The following CFAP52 variants were observed in gnomAD, a reference collection of about 807,000 sequenced individuals.
CFAP52 encodes the protein cilia and flagella associated protein 52.
In CFAP52, 57 loss-of-function variants were observed where a neutral mutation model predicts 70.5. The observed-to-expected ratio is 0.81, with a 90% CI of 0.65 to 1.01. The LOEUF is 1.01. Ranked by LOEUF, CFAP52 falls within the 50% of genes least tolerant of loss-of-function variation. CFAP52 has a pLI of 0.00. For missense variants in CFAP52, 785 were observed against 788.5 expected, an observed-to-expected ratio of 1.00 and a Z score of 0.05; for synonymous variants, 267 against 292.5, an observed-to-expected ratio of 0.91 and a Z score of 0.89.
In CFAP52 at chr17:9,594,267, C is replaced by A. The variant is rs147354190; in HGVS notation, c.482C>A (p.Ala161Asp). The A allele has an allele frequency of 1.6e-5, 26 of 1,613,680 alleles. No homozygotes were observed. The highest frequency in any genetic ancestry group is 2.2e-5 in the Non-Finnish European group (26 of 1,179,922). Residue 161 changes from alanine (A) to aspartate (D), a missense_variant, in exon 4 of 14, where the codon GCC becomes GAC. Physicochemically the swap from Ala to Asp is moderately radical, Grantham distance 126 (BLOSUM62 -2). Coordinates refer to ENST00000352665, the MANE Select transcript of CFAP52 (RefSeq NM_145054.5). ...GCAGCCGGCCTCAATGTTGGCAATG[C>A]CACCAATGTGATCTTCTCCAGGTGC... ...SPAAGLNVGN[A>D]TNVIFSRCRD...
chr17:9,636,562 A>G (rs534324658), intron 11 of CFAP52, among the ~76,000 whole-genome samples: 9 of 152,084 alleles, frequency 5.9e-5, no homozygotes, highest in Non-Finnish European at 1.3e-4. Flanking sequence ...TTAGAATCGG[A>G]TGCCATTCCT....
chr17:9,639,355 T>C (rs111293659), intron 12 of CFAP52, among the ~76,000 whole-genome samples: 1,964 of 151,520 alleles, frequency 0.013, 48 homozygotes, highest in African/African-American at 0.045. Flanking sequence ...TGCTTGAACC[T>C]GGGAAGTGGA....
chr17:9,584,378 A>C, intron 1 of CFAP52: 1 of 1,275,052 alleles, frequency 7.8e-7, no homozygotes, highest in Non-Finnish European at 1.0e-6. Flanking sequence ...CCTGGTGGGC[A>C]CTCAGAACTG....
chr17:9,593,541 C>G (rs1908859778), intron 3 of CFAP52, among the ~76,000 whole-genome samples: 1 of 152,116 alleles, frequency 6.6e-6, no homozygotes, highest in Admixed American at 6.5e-5. Context: ...CTGCGACCTC[C>G]ACCTCCCGGA....
chr17:9,598,091 C>T lies in CFAP52; in HGVS notation c.537-143C>T, dbSNP rs115421145. On this transcript the variant is annotated intron_variant, in intron 4 of 13. Transcript: ENST00000352665. ...TGCCTCGTGGTGGTGTTATGAGGAT[C>T]GAATAAAAGATCTTTCATAGTGCAC... 4.0e-4 allele frequency: 244 copies of T among 615,482 alleles called. 1 individual carries two copies. Among genetic ancestry groups the T allele is most frequent in the African/African-American group, 3.2e-3 (172 of 54,000 alleles). 38.1% of individuals were successfully genotyped at this position (615,482 alleles called of 1,614,324 possible).
intron 7 of CFAP52, chr17:9,610,165 T>C (rs1026317099): frequency 2.0e-5 from 3 of 152,140 alleles, no homozygotes; most frequent in South Asian, 2.1e-4. Context: ...AACATCCAAG[T>C]ATTGTCGATA....
rs150886022 is a variant in CFAP52 at position 9,596,856 on chromosome 17, C to G, written c.537-1378C>G. Among the ~76,000 whole-genome samples the G allele has an allele frequency of 6.4e-4, 98 of 152,196 alleles. 1 individual carries two copies. The highest frequency in any genetic ancestry group is 2.0e-3 in the African/African-American group (82 of 41,544). On this transcript the variant is annotated intron_variant, in intron 4 of 13. Transcript: ENST00000352665. ...TCAGCCTCCCGACTAGCTGGGATTA[C>G]AGGTGCCCACCACCACGCCTGGCTA...
intron 3 of CFAP52, among the ~76,000 whole-genome samples, chr17:9,591,638 G>T (rs1597769588): frequency 6.6e-6 from 1 of 152,286 alleles, no homozygotes; most frequent in Non-Finnish European, 1.5e-5. Context: ...AGCACTTTGG[G>T]AGGCCAAGGC....
Position 9,596,193 on chromosome 17 carries a change from G to A in CFAP52, c.536+1872G>A, listed in dbSNP as rs562749899. 1.1e-4 allele frequency among the ~76,000 whole-genome samples: 17 copies of A among 149,934 alleles called. No individual in the cohort carries two copies. In the South Asian group the frequency reaches 1.3e-3, roughly 11 times the overall value. ...CAGCTCACTGCAACCTCTGCCTCCC[G>A]GGTTCAAATGATTCTCCTGCCTCAG... On this transcript the variant is annotated intron_variant, in intron 4 of 13. Transcript: ENST00000352665.
At chr17:9,622,514 C>T (rs959560171) in intron 8 of CFAP52, among the ~76,000 whole-genome samples, 1 of 151,262 alleles carries the variant, frequency 6.6e-6, no homozygotes, top group African/African-American at 2.4e-5. Flanking sequence ...GCATGCCAGC[C>T]TGGGTGACAG....
chr17:9,587,258 C>T (rs568920426), intron 3 of CFAP52, among the ~76,000 whole-genome samples: 147 of 152,272 alleles, frequency 9.7e-4, no homozygotes, highest in African/African-American at 3.4e-3. Context: ...TTTTCTTTAT[C>T]CAGTCTACCA....
intron 1 of CFAP52, among the ~76,000 whole-genome samples, chr17:9,581,751 T>C (rs1419241266): frequency 6.6e-6 from 1 of 152,232 alleles, no homozygotes; most frequent in Admixed American, 6.5e-5. Flanking sequence ...ATTGCTTTAG[T>C]GAGAGCCTAA....
chr17:9,631,046 G>GAA (rs1198022485), intron 9 of CFAP52, among the ~76,000 whole-genome samples: 1,633 of 96,858 alleles, frequency 0.017, 89 homozygotes, highest in African/African-American at 0.06. Context: ...GAGAGAGAGA[G>GAA]AGAGAGAGAA....
intron 8 of CFAP52, among the ~76,000 whole-genome samples, chr17:9,612,904 A>G (rs1909767711): frequency 6.6e-6 from 1 of 152,180 alleles, no homozygotes; most frequent in Non-Finnish European, 1.5e-5. Context: ...TACAGTATTC[A>G]ATAAATTACA....
chr17:9,584,566 T>A (rs1037029489), intron 1 of CFAP52, among the ~76,000 whole-genome samples: 1 of 151,444 alleles, frequency 6.6e-6, no homozygotes, highest in Non-Finnish European at 1.5e-5. Context: ...TTGTGTGTGA[T>A]GAAAACACTT....
intron 6 of CFAP52, among the ~76,000 whole-genome samples, chr17:9,602,332 T>C (rs888827679): frequency 2.6e-5 from 4 of 152,182 alleles, no homozygotes; most frequent in African/African-American, 9.6e-5. Context: ...TGTCCATGTG[T>C]CCTCATTGTT....
At chr17:9,601,285 A>C (rs988992632) in intron 6 of CFAP52, among the ~76,000 whole-genome samples, 4 of 129,822 alleles carry the variant, frequency 3.1e-5, no homozygotes, top group Non-Finnish European at 6.5e-5. Context: ...GGGGGGAGGG[A>C]TAGCATTAGG....
chr17:9,630,927 A>G (rs1910452657), intron 9 of CFAP52, among the ~76,000 whole-genome samples: 1 of 148,850 alleles, frequency 6.7e-6, no homozygotes, highest in African/African-American at 2.5e-5. Flanking sequence ...TGGAGGTTGC[A>G]GTGAGCCAAG....
intron 1 of CFAP52, among the ~76,000 whole-genome samples, chr17:9,578,697 C>G (rs1045369674): frequency 1.3e-5 from 2 of 152,122 alleles, no homozygotes; most frequent in Admixed American, 6.5e-5. Flanking sequence ...AAGCACCCAC[C>G]ACCACGCCTG....
Sources: allele counts gnomAD v4.1 joint callset (sites outside exome capture counted in the v4.1 genomes callset), GRCh38; gene constraint gnomAD v4.1.1; transcripts MANE v1.5; gene names NCBI Gene and HGNC (gene_info 2026-07-23, HGNC 2026-07-21).